The following ABHD17B variants were observed in gnomAD, a reference collection of about 807,000 sequenced individuals.
ABHD17B encodes alpha/beta hydrolase domain-containing protein 17B.
ABHD17B carries 9 observed loss-of-function variants against 26.2 expected under a neutral mutation model. The observed-to-expected ratio is 0.34, with a 90% CI of 0.21 to 0.60. ABHD17B has a LOEUF of 0.60. Among genes scored for constraint, ABHD17B ranks in the 20% least tolerant of loss-of-function variants. The pLI is 0.80. For synonymous variants in ABHD17B, 127 were observed against 122.3 expected, an observed-to-expected ratio of 1.04 and a Z score of -0.25; for missense variants, 224 against 352.1, an observed-to-expected ratio of 0.64 and a Z score of 2.91.
At chr9:71,889,369 T>C (rs899744131) in intron 1 of ABHD17B, among the ~76,000 whole-genome samples, 1 of 151,952 alleles carries the variant, frequency 6.6e-6, no homozygotes, top group Admixed American at 6.6e-5. Flanking sequence ...AAAAGTCTCC[T>C]CGCCAGGCTA....
rs1825921498 is a variant in ABHD17B at position 71,865,261 on chromosome 9, C to G, written c.*1526G>C. 1 of 985,610 alleles carries G rather than the reference C, an allele frequency of 1.0e-6. No individual in the cohort carries two copies. The highest frequency in any genetic ancestry group is 1.2e-6 in the Non-Finnish European group (1 of 829,814). 61.1% of individuals were successfully genotyped at this position (985,610 alleles called of 1,614,324 possible). On this transcript the variant is annotated 3_prime_UTR_variant, in exon 4 of 4. Coordinates refer to ENST00000333421, the MANE Select transcript of ABHD17B (RefSeq NM_001025780.3). ...CATATACTATAGTCTTAAACATAAC[C>G]ACGGAACGAGCAGAACAATTAAAAC...
intron 1 of ABHD17B, among the ~76,000 whole-genome samples, chr9:71,906,821 A>AC (rs1827299245): frequency 1.3e-5 from 2 of 150,286 alleles, no homozygotes; most frequent in South Asian, 2.1e-4. Context: ...CAAACAAACA[A>AC]AAAAAAAAAC....
chr9:71,892,789 T>TA (rs1385238638), intron 1 of ABHD17B, among the ~76,000 whole-genome samples: 2 of 151,122 alleles, frequency 1.3e-5, no homozygotes, highest in Non-Finnish European at 3.0e-5. Flanking sequence ...TGTTGTGTTT[T>TA]TTAAATTATG....
chr9:71,882,063 A>G (rs1447648921), intron 1 of ABHD17B, among the ~76,000 whole-genome samples: 1 of 152,226 alleles, frequency 6.6e-6, no homozygotes, highest in African/African-American at 2.4e-5. Context: ...ACAAAGAGAT[A>G]CAGCTTCATC....
At chr9:71,876,469 C>T (rs1007187262) in intron 1 of ABHD17B, among the ~76,000 whole-genome samples, 2 of 152,124 alleles carry the variant, frequency 1.3e-5, no homozygotes, top group Non-Finnish European at 2.9e-5. Context: ...CTTGTTAGTT[C>T]TATCAGTATT....
At chr9:71,905,491 T>C (rs1187682977) in intron 1 of ABHD17B, among the ~76,000 whole-genome samples, 1 of 152,272 alleles carries the variant, frequency 6.6e-6, no homozygotes. Flanking sequence ...TTCTAAAATA[T>C]CTGAAATGCA....
chr9:71,886,720 G>C (rs1419846288), intron 1 of ABHD17B, among the ~76,000 whole-genome samples: 26 of 151,966 alleles, frequency 1.7e-4, no homozygotes, highest in Non-Finnish European at 3.8e-4. Flanking sequence ...AGGGTTTCAT[G>C]GATGAAACGG....
In ABHD17B at chr9:71,902,083, T is replaced by G. The variant is rs1038115085; in HGVS notation, c.-4+8551A>C. 2.0e-5 allele frequency among the ~76,000 whole-genome samples: 3 copies of G among 152,188 alleles called. No individual in the cohort carries two copies. In the South Asian group the frequency reaches 6.2e-4, roughly 32 times the overall value. On this transcript the variant is annotated intron_variant, in intron 1 of 3. Transcript: ENST00000333421. ...TCTGTGCCTTATCACATATAGTTCCTTTTTTGTTGATAAAATCTCCCCAAC... is the reference window on the plus strand; with the variant it reads ...TCTGTGCCTTATCACATATAGTTCCGTTTTTGTTGATAAAATCTCCCCAAC...
chr9:71,872,728 C>T (rs569307441), intron 2 of ABHD17B, among the ~76,000 whole-genome samples: 3 of 152,126 alleles, frequency 2.0e-5, no homozygotes, highest in African/African-American at 7.2e-5. Context: ...AAAGTGGGCA[C>T]TCAGTTTCTG....
chr9:71,871,743 A>G (rs1425959650), intron 2 of ABHD17B, among the ~76,000 whole-genome samples: 1 of 152,228 alleles, frequency 6.6e-6, no homozygotes, highest in Non-Finnish European at 1.5e-5. Flanking sequence ...TAATGAGCAG[A>G]TCTTCAAAGT....
intron 2 of ABHD17B, among the ~76,000 whole-genome samples, chr9:71,873,288 T>G (rs1182888581): frequency 1.2e-4 from 18 of 152,184 alleles, no homozygotes; most frequent in Non-Finnish European, 2.9e-5. Flanking sequence ...TTAGGTATCT[T>G]GGTGACTAGA....
intron 1 of ABHD17B, among the ~76,000 whole-genome samples, chr9:71,907,138 G>C (rs1827308292): frequency 1.3e-5 from 2 of 152,230 alleles, no homozygotes; most frequent in Admixed American, 1.3e-4. Context: ...ATTCCTTATA[G>C]TACTGTTTAA....
At chr9:71,869,683 C>T (rs1036551759) in intron 3 of ABHD17B, among the ~76,000 whole-genome samples, 4 of 152,178 alleles carry the variant, frequency 2.6e-5, no homozygotes. Context: ...TCTTCTCTAA[C>T]ATCAAGTGTC....
At chr9:71,873,677 T>C (rs1052169770) in intron 2 of ABHD17B, among the ~76,000 whole-genome samples, 1 of 152,020 alleles carries the variant, frequency 6.6e-6, no homozygotes, top group Non-Finnish European at 1.5e-5. Flanking sequence ...ATTACAGGCA[T>C]GAGCCACTGC....
At chr9:71,908,439 C>T (rs56745631) in intron 1 of ABHD17B, among the ~76,000 whole-genome samples, 1,817 of 150,752 alleles carry the variant, frequency 0.012, 29 homozygotes, top group African/African-American at 0.041. Context: ...TTCCCTCTCT[C>T]CAACTCACAA....
intron 3 of ABHD17B, among the ~76,000 whole-genome samples, chr9:71,869,695 C>G (rs949242112): frequency 6.6e-6 from 1 of 152,128 alleles, no homozygotes; most frequent in Non-Finnish European, 1.5e-5. Context: ...TCAAGTGTCT[C>G]ACTGGATGGC....
intron 1 of ABHD17B, among the ~76,000 whole-genome samples, chr9:71,899,136 A>AG (rs1589229832): frequency 6.6e-6 from 1 of 152,118 alleles, no homozygotes; most frequent in Non-Finnish European, 1.5e-5. Flanking sequence ...AAAAAAAAAA[A>AG]AGAGAGCTGA....
In ABHD17B at chr9:71,875,039, G is replaced by T; in HGVS notation, c.42C>A (p.Cys14Ter). The T allele has an allele frequency of 6.2e-7, 1 of 1,613,408 alleles. No individual in the cohort carries two copies. Residue 14 changes from cysteine to a stop codon, truncating the protein, a stop_gained, in exon 2 of 4, where the codon TGC becomes TGA. Transcript: ENST00000333421. LOFTEE classifies it high-confidence loss of function. ...LSFSELCCLF[C>*]CPPCPGKIAS... ...CAATCTTCCCTGGACAAGGTGGACA[G>T]CAGAAGAGGCAACATAGCTCACTAA...
intron 1 of ABHD17B, among the ~76,000 whole-genome samples, chr9:71,905,339 G>C (rs563731948): frequency 6.6e-6 from 1 of 151,962 alleles, no homozygotes; most frequent in African/African-American, 2.4e-5. Flanking sequence ...GCCCAGGCTG[G>C]AAGATATTTT....
Sources: gnomAD v4.1 joint callset for allele counts (sites outside exome capture counted in the v4.1 genomes callset) on GRCh38, gnomAD v4.1.1 for gene constraint, MANE v1.5 for transcripts, NCBI Gene and HGNC (gene_info 2026-07-23, HGNC 2026-07-21) for gene names.